Variants in LCOR observed in about 807,000 individuals in gnomAD.
LCOR encodes ligand dependent nuclear receptor corepressor.
Under a neutral mutation model 64.4 loss-of-function variants are expected in LCOR, and 14 were observed. That is an observed-to-expected ratio of 0.22 (90% CI 0.14 to 0.34). The LOEUF (loss-of-function observed/expected upper bound fraction) is 0.34, where lower values mean the gene tolerates loss of function less well. Among genes scored for constraint, LCOR ranks in the 10% least tolerant of loss-of-function variants. The probability of loss-of-function intolerance (pLI) is 1.00; values close to 1 mark genes in which losing one functional copy is unlikely to be tolerated. For missense variants in LCOR, 1,686 were observed against 1,765.3 expected (o/e 0.96, Z 0.80); for synonymous variants, 643 against 642.5 (o/e 1.00, Z -0.01).
chr10:96,981,232 A>C lies in LCOR; in HGVS notation c.772A>C (p.Ile258Leu). 1.2e-6 allele frequency: 1 copy of C among 851,668 alleles called. No individual in the cohort carries two copies. Among genetic ancestry groups the C allele is most frequent in the Non-Finnish European group, 1.9e-6 (1 of 516,996 alleles). 52.8% of individuals were successfully genotyped at this position (851,668 alleles called of 1,614,324 possible). Residue 258 changes from isoleucine to leucine, a missense_variant, in exon 8 of 8, where the codon ATT becomes CTT. Ile to Leu is a conservative substitution (Grantham distance 5). This residue lies in a region of LCOR where 313 missense variants were observed against 247.2 expected (regional missense o/e 1.27). Coordinates refer to ENST00000421806, the MANE Select transcript of LCOR (RefSeq NM_001346516.2). ...ACTTCCAACCACTAAATCGAATTCT[A>C]TTAATAGCAGTTCAGTGGATAGTTT... ...SELPTTKSNS[I>L]NSSSVDSFTP...
chr10:96,841,447 A>G (rs7921216), intron 2 of LCOR, among the ~76,000 whole-genome samples: 21,745 of 148,016 alleles, frequency 0.15, 2,208 homozygotes, highest in African/African-American at 0.29. Context: ...TGCAACCTCC[A>G]TCTCCCAGGC....
At chr10:96,914,564 A>G (rs571163943) in intron 4 of LCOR, among the ~76,000 whole-genome samples, 2 of 152,340 alleles carry the variant, frequency 1.3e-5, no homozygotes, top group South Asian at 4.1e-4. Context: ...CATCTTTATT[A>G]AAGATACTTT....
At chr10:96,966,322 A>G (rs1023357901) in intron 7 of LCOR, among the ~76,000 whole-genome samples, 10 of 130,390 alleles carry the variant, frequency 7.7e-5, no homozygotes, top group Non-Finnish European at 1.4e-4. Context: ...TCCGCCTCCC[A>G]GGTTCATGCC....
chr10:96,957,978 T>C, intron 7 of LCOR: 1 of 989,384 alleles, frequency 1.0e-6, no homozygotes. Context: ...TAAAAATTCC[T>C]TATGAAATAT....
chr10:96,913,078 T>C (rs1355805855), intron 4 of LCOR, among the ~76,000 whole-genome samples: 1 of 152,166 alleles, frequency 6.6e-6, no homozygotes, highest in Non-Finnish European at 1.5e-5. Context: ...TTTTCACTTT[T>C]TGGCATTAAA....
intron 4 of LCOR, among the ~76,000 whole-genome samples, chr10:96,941,280 C>CAGA (rs1847466732): frequency 7.3e-6 from 1 of 137,498 alleles, no homozygotes. Flanking sequence ...GCTGGCCAGG[C>CAGA]GGGGGGCTGA....
chr10:96,981,930 A>G lies in LCOR; in HGVS notation c.1470A>G (p.Ile490Met), dbSNP rs767778005. The stretch of plus-strand genomic sequence containing the variant: ...GCCACTTTGAGAATCAAAAATCAAT[A>G]TTATCTTCTCGGAAAACAGCCAGAA... ...TECHFENQKS[I>M]LSSRKTARKS... Residue 490 changes from isoleucine to methionine, a missense_variant, in exon 8 of 8, where the codon ATA (isoleucine) becomes ATG (methionine). Physicochemically the swap from Ile to Met is conservative, Grantham distance 10. Coordinates refer to ENST00000421806, the MANE Select transcript of LCOR (RefSeq NM_001346516.2). 14 of 1,614,220 alleles carry G rather than the reference A, an allele frequency of 8.7e-6. No individual in the cohort carries two copies. The East Asian group carries it at 2.9e-4, about 33-fold the overall frequency.
chr10:96,874,360 C>T (rs1454690283), intron 2 of LCOR, among the ~76,000 whole-genome samples: 1 of 152,130 alleles, frequency 6.6e-6, no homozygotes, highest in Non-Finnish European at 1.5e-5. Flanking sequence ...TGTCAGTAAT[C>T]CTTCAATGAC....
intron 4 of LCOR, among the ~76,000 whole-genome samples, chr10:96,916,096 A>G (rs946555189): frequency 7.9e-5 from 12 of 152,076 alleles, no homozygotes; most frequent in African/African-American, 2.2e-4. Flanking sequence ...CAGTGGCGCA[A>G]TCTGGGCTCA....
At chr10:96,905,455 G>A (rs1485798047) in intron 2 of LCOR, among the ~76,000 whole-genome samples, 1 of 152,056 alleles carries the variant, frequency 6.6e-6, no homozygotes, top group Non-Finnish European at 1.5e-5. Flanking sequence ...AGGGCAGGTA[G>A]GGGGGCTTTA....
intron 2 of LCOR, among the ~76,000 whole-genome samples, chr10:96,859,503 C>T (rs984697935): frequency 4.6e-5 from 7 of 152,048 alleles, no homozygotes; most frequent in East Asian, 1.9e-4. Flanking sequence ...CGAGCCACCG[C>T]GCCCAGCCTA....
At chr10:96,905,259 A>G (rs138241642) in intron 2 of LCOR, among the ~76,000 whole-genome samples, 1 of 152,188 alleles carries the variant, frequency 6.6e-6, no homozygotes, top group East Asian at 1.9e-4. Context: ...CTTTTCAAGA[A>G]TTTACGCTCA....
chr10:96,973,216 C>G (rs941426116), intron 7 of LCOR, among the ~76,000 whole-genome samples: 2 of 152,156 alleles, frequency 1.3e-5, no homozygotes, highest in African/African-American at 4.8e-5. Context: ...TTCCTGTATT[C>G]ACTTTTGCCT....
intron 4 of LCOR, among the ~76,000 whole-genome samples, chr10:96,920,794 G>A (rs11188968): frequency 0.24 from 15,594 of 65,126 alleles, 2,144 homozygotes; most frequent in African/African-American, 0.49. Flanking sequence ...ACACACACGC[G>A]CGGTGGGGGG....
intron 4 of LCOR, among the ~76,000 whole-genome samples, chr10:96,921,133 T>TA (rs1372717460): frequency 6.6e-6 from 1 of 152,122 alleles, no homozygotes; most frequent in Non-Finnish European, 1.5e-5. Flanking sequence ...CCCCAGCCTA[T>TA]ATGTTCTTAA....
chr10:96,871,579 ATT>A (rs796092511), intron 2 of LCOR, among the ~76,000 whole-genome samples: 6 of 140,092 alleles, frequency 4.3e-5, no homozygotes, highest in Non-Finnish European at 6.2e-5. Context: ...CGCCTGGCTA[ATT>A]TTTTTTTTTT....
At chr10:96,884,620 A>G (rs1181791795) in intron 2 of LCOR, among the ~76,000 whole-genome samples, 1 of 152,192 alleles carries the variant, frequency 6.6e-6, no homozygotes, top group Non-Finnish European at 1.5e-5. Context: ...CTTGAATACC[A>G]TTTCCAGATA....
At position 96,983,345 on chromosome 10, in the gene LCOR, C is replaced by T; in HGVS notation, c.2885C>T (p.Pro962Leu). Residue 962 changes from proline to leucine, a missense_variant, in exon 8 of 8, where the codon CCC becomes CTC. This residue lies in a region of LCOR where 1,293 missense variants were observed against 1,410.4 expected (regional missense o/e 0.92). Transcript: ENST00000421806. This position sits in a 1 kb window ranked among gnomAD's most constrained non-coding sequence, Gnocchi z 4.5. ...SKMDEKNAHI[P>L]SESIACKRDP... The stretch of plus-strand genomic sequence containing the variant: ...ATGGATGAGAAGAATGCTCATATCC[C>T]CTCAGAAAGTATTGCTTGTAAGAGG... 6.2e-7 allele frequency: 1 copy of T among 1,614,126 alleles called. No homozygotes were observed. Among genetic ancestry groups the T allele is most frequent in the African/African-American group, 1.3e-5 (1 of 75,014 alleles).
At chr10:96,902,198 C>T (rs529377166) in intron 2 of LCOR, among the ~76,000 whole-genome samples, 2 of 151,532 alleles carry the variant, frequency 1.3e-5, no homozygotes, top group Admixed American at 1.3e-4. Context: ...TCTTCAAGTG[C>T]TGCTGTTTTG....
Sources: gnomAD v4.1 joint callset for allele counts (sites outside exome capture counted in the v4.1 genomes callset) on GRCh38, gnomAD v4.1.1 for gene constraint, gnomAD v4.1.1 regional missense constraint, Gnocchi (gnomAD v3.1) non-coding constraint, MANE v1.5 for transcripts, NCBI Gene and HGNC (gene_info 2026-07-23, HGNC 2026-07-21) for gene names.